The following MCTP1 variants were observed in gnomAD, a reference collection of about 807,000 sequenced individuals.
MCTP1 encodes the protein multiple C2 and transmembrane domain containing 1.
Under a neutral mutation model 120.6 loss-of-function variants are expected in MCTP1, and 69 were observed. That is an observed-to-expected ratio of 0.57 (90% CI 0.47 to 0.70). The LOEUF is 0.70. Ranked by LOEUF, MCTP1 falls within the 30% of genes least tolerant of loss-of-function variation. The pLI, the probability that MCTP1 is intolerant of heterozygous loss-of-function variation, is 0.00. For missense variants in MCTP1, 1,203 were observed against 1,248.8 expected (o/e 0.96, Z 0.55); for synonymous variants, 529 against 493.1 (o/e 1.07, Z -0.96).
intron 1 of MCTP1, among the ~76,000 whole-genome samples, chr5:95,098,476 A>C (rs562981671): frequency 4.2e-4 from 64 of 152,290 alleles, no homozygotes; most frequent in Admixed American, 7.2e-4. Context: ...ATACACCAAT[A>C]ACAGACAAAC....
At chr5:95,222,978 A>G (rs1271230664) in intron 1 of MCTP1, among the ~76,000 whole-genome samples, 1 of 152,248 alleles carries the variant, frequency 6.6e-6, no homozygotes, top group Non-Finnish European at 1.5e-5. Flanking sequence ...TGAAGTCTGA[A>G]GGCAGTCCTT....
At chr5:94,947,469 T>C (rs1232714010) in intron 3 of MCTP1, among the ~76,000 whole-genome samples, 1 of 150,286 alleles carries the variant, frequency 6.7e-6, no homozygotes, top group Non-Finnish European at 1.5e-5. Context: ...ATACTTATAA[T>C]ATCTCATTTT....
rs181297403 is a variant in MCTP1, at chr5:95,043,012, A to C, written c.721-25528T>G. ...ATCTAATGAGTAAATTCTAATCACT[A>C]AATTTGCTAGGCCAAAGGATTCTAT... is the stretch of plus-strand genomic sequence containing the variant. On this transcript the variant is annotated intron_variant, in intron 1 of 22. Coordinates refer to ENST00000515393, the MANE Select transcript of MCTP1 (RefSeq NM_024717.7). Among the ~76,000 whole-genome samples, 9 of 152,232 alleles carry C rather than the reference A, an allele frequency of 5.9e-5. No homozygotes were observed. In the East Asian group the frequency reaches 1.4e-3, roughly 23 times the overall value.
chr5:95,108,174 C>T (rs1337863595), intron 1 of MCTP1, among the ~76,000 whole-genome samples: 2 of 152,206 alleles, frequency 1.3e-5, no homozygotes, highest in African/African-American at 4.8e-5. Flanking sequence ...TTTCCCCATT[C>T]TCCTAGTAAC....
intron 19 of MCTP1, among the ~76,000 whole-genome samples, chr5:94,776,300 G>T (rs933570130): frequency 6.6e-6 from 1 of 152,106 alleles, no homozygotes; most frequent in Admixed American, 6.6e-5. Context: ...TAATATCAAT[G>T]CTGGCTCTAA....
At chr5:95,192,081 T>C (rs1354133995) in intron 1 of MCTP1, among the ~76,000 whole-genome samples, 2 of 152,028 alleles carry the variant, frequency 1.3e-5, no homozygotes, top group Non-Finnish European at 2.9e-5. Context: ...AAATTTTCTT[T>C]ATCATCCATA....
At chr5:95,190,544 C>G (rs546067231) in intron 1 of MCTP1, among the ~76,000 whole-genome samples, 1 of 152,028 alleles carries the variant, frequency 6.6e-6, no homozygotes, top group African/African-American at 2.4e-5. Context: ...AACTTGGGAG[C>G]AAATTCATTG....
rs756132693 is a variant in MCTP1 at position 95,095,006 on chromosome 5, A to ATTT, written c.721-77525_721-77523dup. On this transcript the variant is annotated intron_variant, in intron 1 of 22. Coordinates refer to ENST00000515393, the MANE Select transcript of MCTP1 (RefSeq NM_024717.7). ...TTTTTTCTTTTATTTGTTATGTTAGATTTTTTTTTTTTTTTTTTTTTTTTT... is the reference window on the plus strand; with the variant it reads ...TTTTTTCTTTTATTTGTTATGTTAGATTTTTTTTTTTTTTTTTTTTTTTTTTTT... Among the ~76,000 whole-genome samples the ATTT allele has an allele frequency of 1.2e-3, 45 of 36,968 alleles. 7 individuals are homozygous for ATTT. Among genetic ancestry groups the ATTT allele is most frequent in the African/African-American group, 4.3e-3 (35 of 8,046 alleles). The allele number at this position is 36,968 out of a possible 152,430, so 24.3% of individuals were successfully genotyped here. A position where few individuals can be genotyped will look rare whatever the true frequency, so the allele number is the denominator to read the frequency against.
chr5:95,031,389 C>G (rs1025417230), intron 1 of MCTP1, among the ~76,000 whole-genome samples: 1 of 151,934 alleles, frequency 6.6e-6, no homozygotes, highest in African/African-American at 2.4e-5. Flanking sequence ...ATAGACAAAA[C>G]AGCCAAATTA....
chr5:94,736,419 G>C (rs1371055495), intron 19 of MCTP1, among the ~76,000 whole-genome samples: 1 of 152,180 alleles, frequency 6.6e-6, no homozygotes, highest in Non-Finnish European at 1.5e-5. Flanking sequence ...GGAGGTCGAG[G>C]CTGCAGTGAG....
At chr5:94,802,501 C>A (rs1781425722) in intron 17 of MCTP1, among the ~76,000 whole-genome samples, 2 of 152,110 alleles carry the variant, frequency 1.3e-5, no homozygotes, top group African/African-American at 4.8e-5. Context: ...CACACTAAAG[C>A]CTCTTCTCTC....
At chr5:94,835,337 T>G (rs1238182825) in intron 17 of MCTP1, among the ~76,000 whole-genome samples, 1 of 152,206 alleles carries the variant, frequency 6.6e-6, no homozygotes, top group Admixed American at 6.5e-5. Flanking sequence ...CACAAAAGCC[T>G]GCAAAGTAGA....
intron 1 of MCTP1, among the ~76,000 whole-genome samples, chr5:95,222,894 C>G (rs151094381): frequency 5.8e-4 from 89 of 152,208 alleles, no homozygotes; most frequent in African/African-American, 1.8e-3. Flanking sequence ...ATCACTTGAC[C>G]ATAGAGGCTG....
chr5:95,120,465 A>G (rs1452452296), intron 1 of MCTP1, among the ~76,000 whole-genome samples: 1 of 152,234 alleles, frequency 6.6e-6, no homozygotes, highest in Non-Finnish European at 1.5e-5. Context: ...ATTCAACAGT[A>G]CATTATGATG....
intron 12 of MCTP1, among the ~76,000 whole-genome samples, chr5:94,875,287 A>G (rs1354227679): frequency 6.6e-6 from 1 of 152,062 alleles, no homozygotes; most frequent in Non-Finnish European, 1.5e-5. Context: ...ACCCAGAGGA[A>G]CCGACAGTGG....
intron 19 of MCTP1, among the ~76,000 whole-genome samples, chr5:94,724,132 G>C (rs1430979444): frequency 6.6e-6 from 1 of 152,100 alleles, no homozygotes; most frequent in Non-Finnish European, 1.5e-5. Context: ...TTTGTAAAAG[G>C]CTGTACATAA....
At chr5:94,974,853 T>A (rs1411173512) in intron 2 of MCTP1, among the ~76,000 whole-genome samples, 5 of 152,130 alleles carry the variant, frequency 3.3e-5, no homozygotes, top group African/African-American at 9.7e-5. Context: ...TGGAATAATT[T>A]CAAGCAATTA....
At chr5:94,853,207 G>T (rs1794090120) in intron 17 of MCTP1, among the ~76,000 whole-genome samples, 1 of 151,958 alleles carries the variant, frequency 6.6e-6, no homozygotes, top group African/African-American at 2.4e-5. Context: ...TAGGGCGGGG[G>T]AGAGAAACCA....
In MCTP1 at chr5:94,704,674, T is replaced by C. The variant is rs1035914351; in HGVS notation, c.*2822A>G. On this transcript the variant is annotated 3_prime_UTR_variant, in exon 23 of 23. Transcript: ENST00000515393. ...TGATTTTAGTATACAATCATTGGTT[T>C]GACCGTTGTCTATAACAGGGTCATA... The C allele has an allele frequency of 3.3e-5, 5 of 151,292 alleles. No individual in the cohort carries two copies. Among genetic ancestry groups the C allele is most frequent in the African/African-American group, 1.2e-4 (5 of 41,326 alleles). The allele number at this position is 151,292 out of a possible 1,614,324, so 9.4% of individuals were successfully genotyped here.
Sources: gnomAD v4.1 joint callset for allele counts (sites outside exome capture counted in the v4.1 genomes callset) on GRCh38, gnomAD v4.1.1 for gene constraint, MANE v1.5 for transcripts, NCBI Gene and HGNC (gene_info 2026-07-23, HGNC 2026-07-21) for gene names.